The following SGCZ variants were observed in gnomAD, a reference collection of about 807,000 sequenced individuals.
SGCZ encodes the protein zeta-sarcoglycan.
SGCZ carries 40 observed loss-of-function variants against 41.3 expected under a neutral mutation model. That is an observed-to-expected ratio of 0.97 (90% confidence interval 0.75 to 1.26). The LOEUF is 1.26. Among genes scored for constraint, SGCZ ranks in the 50% most tolerant of loss-of-function variants. The pLI is 0.00. For missense variants in SGCZ, 552 were observed against 369.8 expected, an observed-to-expected ratio of 1.49 and a Z score of -4.04; for synonymous variants, 206 against 137.5, an observed-to-expected ratio of 1.50 and a Z score of -3.49.
chr8:14,418,789 G>A (rs1196609158), intron 2 of SGCZ, among the ~76,000 whole-genome samples: 1 of 151,994 alleles, frequency 6.6e-6, no homozygotes, highest in Non-Finnish European at 1.5e-5. Context: ...TGATGGTTTC[G>A]ATAGCTGAAC....
intron 1 of SGCZ, among the ~76,000 whole-genome samples, chr8:14,561,107 G>A (rs116410521): frequency 0.019 from 2,945 of 152,094 alleles, 49 homozygotes; most frequent in African/African-American, 0.043. Flanking sequence ...CTGTTTTAGT[G>A]CAATAGTAGT....
intron 1 of SGCZ, among the ~76,000 whole-genome samples, chr8:14,736,359 A>AT (rs982363135): frequency 3.3e-5 from 5 of 152,266 alleles, no homozygotes; most frequent in Admixed American, 2.0e-4. Context: ...AATCTGCAAC[A>AT]TTTTTTTATT....
chr8:14,702,435 G>T (rs1015923679), intron 1 of SGCZ, among the ~76,000 whole-genome samples: 2 of 151,670 alleles, frequency 1.3e-5, no homozygotes, highest in South Asian at 4.2e-4. Flanking sequence ...TTATATCTAC[G>T]ACTAAATAGG....
At chr8:14,120,336 G>T (rs913720068) in intron 5 of SGCZ, among the ~76,000 whole-genome samples, 1 of 152,120 alleles carries the variant, frequency 6.6e-6, no homozygotes, top group African/African-American at 2.4e-5. Context: ...AATTGTCACT[G>T]TTTAGGAAAT....
chr8:14,503,918 A>C (rs1802229678), intron 2 of SGCZ, among the ~76,000 whole-genome samples: 3 of 152,214 alleles, frequency 2.0e-5, no homozygotes, highest in African/African-American at 7.2e-5. Flanking sequence ...TATAACAAAA[A>C]ATTGTGCAGT....
intron 1 of SGCZ, among the ~76,000 whole-genome samples, chr8:15,230,064 A>T (rs371918025): frequency 6.6e-6 from 1 of 152,156 alleles, no homozygotes; most frequent in Non-Finnish European, 1.5e-5. Flanking sequence ...CGGAATGTGC[A>T]TGAAGAGATG....
chr8:14,789,502 T>C (rs56337529), intron 1 of SGCZ, among the ~76,000 whole-genome samples: 17,233 of 152,260 alleles, frequency 0.11, 1,163 homozygotes, highest in Middle Eastern at 0.16. Context: ...GTTAGTTTCA[T>C]GATATAATTT....
At chr8:14,309,492 C>G in intron 3 of SGCZ, 1 of 1,608,208 alleles carries the variant, frequency 6.2e-7, no homozygotes, top group Admixed American at 1.7e-5. Flanking sequence ...AATGTTAGAG[C>G]TAATTGTGAT....
intron 1 of SGCZ, among the ~76,000 whole-genome samples, chr8:14,616,115 C>G (rs1051424191): frequency 2.0e-5 from 3 of 152,006 alleles, no homozygotes; most frequent in Non-Finnish European, 4.4e-5. Flanking sequence ...AACCTCATCT[C>G]TACTAAAAAA....
At chr8:15,060,844 A>G (rs954566112) in intron 1 of SGCZ, among the ~76,000 whole-genome samples, 1 of 152,100 alleles carries the variant, frequency 6.6e-6, no homozygotes, top group African/African-American at 2.4e-5. Context: ...AAACTGAAAA[A>G]TCTGTCTCCT....
At chr8:14,118,725 A>G (rs1317721911) in intron 5 of SGCZ, among the ~76,000 whole-genome samples, 1 of 152,002 alleles carries the variant, frequency 6.6e-6, no homozygotes, top group Non-Finnish European at 1.5e-5. Flanking sequence ...ATCCATCTTG[A>G]GTTAATTTTT....
chr8:14,346,999 C>T (rs903497268), intron 2 of SGCZ, among the ~76,000 whole-genome samples: 2 of 151,904 alleles, frequency 1.3e-5, no homozygotes, highest in South Asian at 2.1e-4. Flanking sequence ...TAATAAAATG[C>T]TTATCCTAAC....
At chr8:14,875,726 C>A (rs192783178) in intron 1 of SGCZ, among the ~76,000 whole-genome samples, 9 of 151,908 alleles carry the variant, frequency 5.9e-5, no homozygotes, top group Non-Finnish European at 1.3e-4. Context: ...AGCTGTGATA[C>A]GGGGGAAAGA....
intron 1 of SGCZ, among the ~76,000 whole-genome samples, chr8:14,605,432 C>G (rs1036777462): frequency 6.6e-6 from 1 of 152,076 alleles, no homozygotes; most frequent in Non-Finnish European, 1.5e-5. Context: ...CTTTTAGTTA[C>G]TTTAAAAATG....
intron 1 of SGCZ, among the ~76,000 whole-genome samples, chr8:15,206,820 A>T (rs1801083623): frequency 6.6e-6 from 1 of 152,036 alleles, no homozygotes; most frequent in Admixed American, 6.6e-5. Context: ...TTTCGTTCAT[A>T]ATGGCATAAT....
chr8:14,342,985 A>T (rs775400086), intron 2 of SGCZ, among the ~76,000 whole-genome samples: 1 of 152,136 alleles, frequency 6.6e-6, no homozygotes, highest in Non-Finnish European at 1.5e-5. Flanking sequence ...CCTGTGTCCC[A>T]GCCACTCCTG....
At chr8:14,252,731 A>G (rs982865854) in intron 3 of SGCZ, among the ~76,000 whole-genome samples, 6 of 152,176 alleles carry the variant, frequency 3.9e-5, no homozygotes, top group Admixed American at 2.0e-4. Flanking sequence ...TGTAACTCCA[A>G]TGGCCTGATG....
chr8:14,549,980 C>T (rs1803750483), intron 2 of SGCZ, among the ~76,000 whole-genome samples: 2 of 151,798 alleles, frequency 1.3e-5, no homozygotes, highest in Admixed American at 1.3e-4. Context: ...GATACAATCA[C>T]ACTGGGGAAA....
intron 1 of SGCZ, among the ~76,000 whole-genome samples, chr8:14,963,458 C>A (rs535345441): frequency 6.6e-6 from 1 of 151,980 alleles, no homozygotes; most frequent in Non-Finnish European, 1.5e-5. Flanking sequence ...CCTGCCTCAG[C>A]CTCCTGAGTA....
Sources: gnomAD v4.1 joint callset for allele counts (sites outside exome capture counted in the v4.1 genomes callset) on GRCh38, gnomAD v4.1.1 for gene constraint, MANE v1.5 for transcripts, NCBI Gene and HGNC (gene_info 2026-07-23, HGNC 2026-07-21) for gene names.